KLHDC1: variants seen among roughly 807,000 people sequenced by gnomAD.
KLHDC1 encodes kelch domain-containing protein 1.
In KLHDC1, 53 loss-of-function variants were observed where a neutral mutation model predicts 68.3. The observed-to-expected ratio is 0.78, with a 90% CI of 0.62 to 0.98. The LOEUF (loss-of-function observed/expected upper bound fraction) is 0.98, where lower values mean the gene tolerates loss of function less well. Among genes scored for constraint, KLHDC1 ranks in the 50% least tolerant of loss-of-function variants. KLHDC1 has a pLI of 0.00. For missense variants in KLHDC1, 470 were observed against 492.3 expected (o/e 0.95, Z 0.43); for synonymous variants, 148 against 159.0 (o/e 0.93, Z 0.52).
chr14:49,746,405 G>C (rs963806454), intron 12 of KLHDC1, among the ~76,000 whole-genome samples: 8 of 152,096 alleles, frequency 5.3e-5, no homozygotes, highest in African/African-American at 9.7e-5. Context: ...CTACATTTGA[G>C]GGGGAGGGAG....
At chr14:49,737,612 C>T (rs1888959201) in intron 10 of KLHDC1, among the ~76,000 whole-genome samples, 1 of 151,560 alleles carries the variant, frequency 6.6e-6, no homozygotes, top group Non-Finnish European at 1.5e-5. Flanking sequence ...CACCTGTAAT[C>T]CCAGCACTTT....
intron 8 of KLHDC1, among the ~76,000 whole-genome samples, chr14:49,731,735 A>G (rs192226028): frequency 1.6e-4 from 24 of 152,170 alleles, no homozygotes; most frequent in African/African-American, 3.9e-4. Context: ...TTAAGAGACA[A>G]TGTCTCTATT....
intron 12 of KLHDC1, among the ~76,000 whole-genome samples, chr14:49,748,773 T>A (rs1004953181): frequency 2.0e-5 from 3 of 151,794 alleles, no homozygotes; most frequent in Admixed American, 2.0e-4. Context: ...TGTATATATA[T>A]GTATATATAT....
intron 4 of KLHDC1, among the ~76,000 whole-genome samples, chr14:49,715,636 T>G (rs1888350087): frequency 6.7e-6 from 1 of 149,224 alleles, no homozygotes; most frequent in African/African-American, 2.5e-5. Flanking sequence ...TTCCACCTAC[T>G]TAGGAGGCTG....
In KLHDC1 at chr14:49,715,765, A is replaced by AATATAT. The variant is rs1555339251; in HGVS notation, c.404+5396_404+5401dup. 3.3e-3 allele frequency among the ~76,000 whole-genome samples: 172 copies of AATATAT among 51,356 alleles called. 2 individuals carry two copies. The highest frequency in any genetic ancestry group is 9.0e-3 in the East Asian group (23 of 2,552). 33.7% of individuals were successfully genotyped at this position (51,356 alleles called of 152,430 possible). ...AAAAAAAAAAAAAAAAAAAAAAAAA[A>AATATAT]ATATATATATATATATAATAAAAGA... On this transcript the variant is annotated intron_variant, in intron 4 of 12. Transcript: ENST00000359332.
chr14:49,704,854 A>G (rs563259755), intron 1 of KLHDC1, among the ~76,000 whole-genome samples: 3 of 152,206 alleles, frequency 2.0e-5, no homozygotes, highest in Non-Finnish European at 4.4e-5. Flanking sequence ...CACTCAATCA[A>G]TAAATATTTT....
intron 12 of KLHDC1, among the ~76,000 whole-genome samples, chr14:49,745,972 G>T (rs963673304): frequency 2.6e-5 from 4 of 152,158 alleles, no homozygotes; most frequent in African/African-American, 9.7e-5. Context: ...ATGTGACTGG[G>T]TAAAGAAAAT....
intron 6 of KLHDC1, among the ~76,000 whole-genome samples, chr14:49,727,469 C>G (rs1888700458): frequency 6.6e-6 from 1 of 152,090 alleles, no homozygotes; most frequent in Non-Finnish European, 1.5e-5. Flanking sequence ...TACATGTCTA[C>G]TAATACACAT....
At position 49,751,662 on chromosome 14, in the gene KLHDC1, C is replaced by A. The variant is rs780771353; in HGVS notation, c.1111C>A (p.Gln371Lys). Residue 371 changes from glutamine to lysine, a missense_variant, in exon 13 of 13, where the codon CAA (glutamine) becomes AAA (lysine). Gln to Lys is a moderately conservative substitution (Grantham distance 53). Coordinates refer to ENST00000359332, the MANE Select transcript of KLHDC1 (RefSeq NM_172193.3). Reference sequence around the variant, plus strand: ...ATCTTTATTACCTCCTAAACTTCTGCAACAAGTACTCAAAAAAATAACATT... The same window carrying A: ...ATCTTTATTACCTCCTAAACTTCTGAAACAAGTACTCAAAAAAATAACATT... Reference protein sequence around the residue: ...QISLLPPKLLQQVLKKITFWA... With the variant: ...QISLLPPKLLKQVLKKITFWA... 6.2e-7 allele frequency: 1 copy of A among 1,604,392 alleles called. No homozygotes were observed. The highest frequency in any genetic ancestry group is 8.5e-7 in the Non-Finnish European group (1 of 1,173,536).
intron 8 of KLHDC1, among the ~76,000 whole-genome samples, chr14:49,730,307 C>CT (rs11437806): frequency 1 from 150,088 of 150,280 alleles, 74,948 homozygotes; most frequent in Middle Eastern, 1. Context: ...ACTGCAACCT[C>CT]GCCTCCCAGG....
chr14:49,740,045 G>A (rs949059573), intron 10 of KLHDC1, 53 bp from the exon 11 acceptor site: 2 of 952,732 alleles, frequency 2.1e-6, no homozygotes, highest in South Asian at 1.5e-5. Flanking sequence ...TATATATAAT[G>A]TACAGTTTCT....
At chr14:49,695,149 T>TGTGTGTG (rs1555337472) in intron 1 of KLHDC1, among the ~76,000 whole-genome samples, 8 of 151,122 alleles carry the variant, frequency 5.3e-5, no homozygotes, top group Admixed American at 1.3e-4. Flanking sequence ...TGTGTGTGTG[T>TGTGTGTG]TTTGAGACAA....
Position 49,747,060 on chromosome 14 carries a change from C to T in KLHDC1, c.1034+3255C>T, listed in dbSNP as rs550676574. ...CTCCCGGGTTCACGCCATTCTCCTGCCTCAGCCTCCCGAGTAGCTGGGACC... is the reference window on the plus strand; with the variant it reads ...CTCCCGGGTTCACGCCATTCTCCTGTCTCAGCCTCCCGAGTAGCTGGGACC... On this transcript the variant is annotated intron_variant, in intron 12 of 12. Coordinates refer to ENST00000359332, the MANE Select transcript of KLHDC1 (RefSeq NM_172193.3). 3.0e-4 allele frequency among the ~76,000 whole-genome samples: 45 copies of T among 152,058 alleles called. No individual in the cohort carries two copies. The East Asian group carries it at 3.3e-3, about 11-fold the overall frequency.
chr14:49,719,966 T>C (rs890082661), intron 4 of KLHDC1, among the ~76,000 whole-genome samples: 2 of 147,356 alleles, frequency 1.4e-5, no homozygotes, highest in Non-Finnish European at 3.0e-5. Flanking sequence ...GGACTACAAG[T>C]GCATGCCACC....
chr14:49,737,501 G>A (rs936358372), intron 10 of KLHDC1, among the ~76,000 whole-genome samples: 1 of 152,140 alleles, frequency 6.6e-6, no homozygotes, highest in Non-Finnish European at 1.5e-5. Context: ...AATAAGTTGT[G>A]TGGTAATAAA....
intron 12 of KLHDC1, among the ~76,000 whole-genome samples, chr14:49,748,849 G>A (rs949661289): frequency 3.3e-5 from 5 of 150,414 alleles, no homozygotes; most frequent in South Asian, 2.1e-4. Context: ...CACCAAGGCT[G>A]GAGTGCAGTG....
At position 49,709,795 on chromosome 14, in the gene KLHDC1, G is replaced by A. The variant is rs1294424497; in HGVS notation, c.254G>A (p.Gly85Glu). 6.3e-7 allele frequency: 1 copy of A among 1,599,428 alleles called. No homozygotes were observed. Among genetic ancestry groups the A allele is most frequent in the Non-Finnish European group, 8.5e-7 (1 of 1,172,962 alleles). The stretch of plus-strand genomic sequence containing the variant: ...ATTAATGGAAAGCTGTACATTTTTG[G>A]AGGATATGATGACAAAGGATACAGC... The part of the protein sequence containing the change: ...ACINGKLYIF[G>E]GYDDKGYSNR... The change falls in exon 3 of 13, where the codon GGA becomes GAA. Residue 85 changes from glycine (G) to glutamate (E), a missense_variant. Transcript: ENST00000359332.
chr14:49,732,871 G>A (rs1954612793), intron 9 of KLHDC1, 55 bp downstream of exon 9: 1 of 887,356 alleles, frequency 1.1e-6, no homozygotes. Flanking sequence ...TTTCTTAATT[G>A]TATTTCATAC....
At chr14:49,700,956 G>T (rs1887888098) in intron 1 of KLHDC1, among the ~76,000 whole-genome samples, 2 of 152,074 alleles carry the variant, frequency 1.3e-5, no homozygotes, top group Non-Finnish European at 2.9e-5. Context: ...GGTGGCACAT[G>T]CCTGTAATCC....
Sources: allele counts gnomAD v4.1 joint callset (sites outside exome capture counted in the v4.1 genomes callset), GRCh38; gene constraint gnomAD v4.1.1; transcripts MANE v1.5; gene names NCBI Gene and HGNC (gene_info 2026-07-23, HGNC 2026-07-21).